The following MRGPRX3 variants were observed in gnomAD, a reference collection of about 807,000 sequenced individuals.
The protein encoded by MRGPRX3 is mas-related G protein-coupled receptor member X3.
Under a neutral mutation model 16.5 loss-of-function variants are expected in MRGPRX3, and 14 were observed. The ratio of observed to expected loss-of-function variants is 0.85; its 90% CI spans 0.56 to 1.33. The LOEUF is 1.33. Ranked by LOEUF, MRGPRX3 falls within the 40% of genes most tolerant of loss-of-function variation. The pLI is 0.00. For synonymous variants in MRGPRX3, 199 were observed against 180.1 expected, an observed-to-expected ratio of 1.10 and a Z score of -0.84; for missense variants, 449 against 413.0, an observed-to-expected ratio of 1.09 and a Z score of -0.76.
At chr11:18,121,590 G>T (rs549018084) in intron 1 of MRGPRX3, among the ~76,000 whole-genome samples, 6 of 152,242 alleles carry the variant, frequency 3.9e-5, no homozygotes, top group African/African-American at 1.4e-4. Context: ...TTGAGAAATC[G>T]GATGGTTGCC....
chr11:18,138,044 G>A lies in MRGPRX3; in HGVS notation c.842G>A (p.Arg281His), dbSNP rs780269301. The A allele has an allele frequency of 2.3e-5, 37 of 1,614,034 alleles. No individual in the cohort carries two copies. The South Asian group carries it at 3.0e-4, about 13-fold the overall frequency. Reference sequence around the variant, plus strand: ...TTCTTCGTGGGCTCCTTTAGGCAGCGTCAAAATAGGCAGAACCTGAAGCTG... The same window carrying A: ...TTCTTCGTGGGCTCCTTTAGGCAGCATCAAAATAGGCAGAACCTGAAGCTG... ...IYFFVGSFRQRQNRQNLKLVL... is the reference protein window; with the variant it reads ...IYFFVGSFRQHQNRQNLKLVL... Residue 281 changes from arginine (R) to histidine (H), a missense_variant, in exon 2 of 2, where the codon CGT (arginine) becomes CAT (histidine). Coordinates refer to ENST00000621697, the MANE Select transcript of MRGPRX3 (RefSeq NM_001370464.1).
chr11:18,131,256 A>C (rs1848958546), upstream of MRGPRX3, among the ~76,000 whole-genome samples: 1 of 152,212 alleles, frequency 6.6e-6, no homozygotes, highest in South Asian at 2.1e-4. Flanking sequence ...CAACCCACCG[A>C]GTGAGAGAAA....
chr11:18,137,085 T>G, intron 1 of MRGPRX3, 93 bp from the exon 2 acceptor site: 2 of 1,308,200 alleles, frequency 1.5e-6, no homozygotes, highest in Non-Finnish European at 2.1e-6. Flanking sequence ...TGATCTCTCC[T>G]CTTTAAATGA....
At chr11:18,131,657 AT>A (rs1248187355), upstream of MRGPRX3, among the ~76,000 whole-genome samples, 1 of 152,158 alleles carries the variant, frequency 6.6e-6, no homozygotes, top group South Asian at 2.1e-4. Context: ...TAGATCGACC[AT>A]TTGATCCAGC....
intron 1 of MRGPRX3, among the ~76,000 whole-genome samples, chr11:18,124,922 T>C (rs142846533): frequency 3.2e-3 from 480 of 152,360 alleles, no homozygotes; most frequent in Non-Finnish European, 4.9e-3. Flanking sequence ...CTTGAGAGTG[T>C]ATATGTGTCG....
upstream of MRGPRX3, among the ~76,000 whole-genome samples, chr11:18,131,087 G>T (rs1226884880): frequency 6.6e-6 from 1 of 152,126 alleles, no homozygotes; most frequent in East Asian, 1.9e-4. Context: ...AATTCTAGAA[G>T]ATAACATCAG....
chr11:18,128,368 C>A (rs1051598988), upstream of MRGPRX3, among the ~76,000 whole-genome samples: 1 of 152,332 alleles, frequency 6.6e-6, no homozygotes, highest in African/African-American at 2.4e-5. Flanking sequence ...TATGGCCTGC[C>A]CCCAGAGGTG....
At chr11:18,135,620 T>C (rs1024499478) in intron 1 of MRGPRX3, among the ~76,000 whole-genome samples, 3 of 152,190 alleles carry the variant, frequency 2.0e-5, no homozygotes, top group African/African-American at 7.2e-5. Context: ...CCTCTATTTT[T>C]CCCTTATTTC....
At position 18,125,167 on chromosome 11, in the gene MRGPRX3, G is replaced by T. The variant is rs1357917776; in HGVS notation, c.-152+4003G>T. ...CCTGGATTCATTGATTTTTTGAAGG[G>T]TTTTTTGTGTCTCTATCTCCTTCAG... On this transcript the variant is annotated intron_variant, in intron 1 of 2. Transcript: ENST00000396275. 5.9e-5 allele frequency among the ~76,000 whole-genome samples: 9 copies of T among 152,042 alleles called. No individual in the cohort carries two copies. The East Asian group carries it at 1.7e-3, about 29-fold the overall frequency.
upstream of MRGPRX3, among the ~76,000 whole-genome samples, chr11:18,130,119 C>G (rs1848946448): frequency 6.6e-6 from 1 of 152,092 alleles, no homozygotes; most frequent in Non-Finnish European, 1.5e-5. Flanking sequence ...AGAACTGGAA[C>G]AAGACAAGGA....
rs1849014973 is a variant in MRGPRX3, at chr11:18,137,201, G to A, written c.-2G>A. ...AGGGTCATCAGACTGGGGTTTCTGA[G>A]CATGGATTCAACCATCCCAGTCTTG... On this transcript the variant is annotated 5_prime_UTR_variant, in exon 2 of 2. Transcript: ENST00000621697. 6.3e-7 allele frequency: 1 copy of A among 1,579,466 alleles called. No individual in the cohort carries two copies. Among genetic ancestry groups the A allele is most frequent in the Non-Finnish European group, 8.6e-7 (1 of 1,160,084 alleles).
At chr11:18,124,879 C>T (rs1054630830) in intron 1 of MRGPRX3, among the ~76,000 whole-genome samples, 1 of 152,166 alleles carries the variant, frequency 6.6e-6, no homozygotes, top group African/African-American at 2.4e-5. Flanking sequence ...TGTTACTGGT[C>T]TATTCAGAGA....
intron 1 of MRGPRX3, among the ~76,000 whole-genome samples, chr11:18,134,475 T>C (rs760324546): frequency 8.5e-5 from 13 of 152,238 alleles, no homozygotes; most frequent in Non-Finnish European, 1.8e-4. Flanking sequence ...TAAATAACTT[T>C]AAATGATTTA....
chr11:18,131,177 A>G (rs1035687401), upstream of MRGPRX3, among the ~76,000 whole-genome samples: 1 of 152,198 alleles, frequency 6.6e-6, no homozygotes, highest in Non-Finnish European at 1.5e-5. Flanking sequence ...AACAAAAATA[A>G]ATAGATAGGA....
intron 1 of MRGPRX3, among the ~76,000 whole-genome samples, chr11:18,127,475 C>T (rs11486249): frequency 0.053 from 7,759 of 146,966 alleles, 656 homozygotes; most frequent in African/African-American, 0.18. Context: ...CCTTTCTTTT[C>T]ATTCTTTTTT....
At chr11:18,135,694 T>G (rs1849001842) in intron 1 of MRGPRX3, among the ~76,000 whole-genome samples, 1 of 152,190 alleles carries the variant, frequency 6.6e-6, no homozygotes, top group African/African-American at 2.4e-5. Flanking sequence ...CCCACAATTT[T>G]GACTGTCAAC....
upstream of MRGPRX3, among the ~76,000 whole-genome samples, chr11:18,132,355 A>G (rs555623875): frequency 1.4e-4 from 21 of 152,320 alleles, no homozygotes; most frequent in South Asian, 1.2e-3. Flanking sequence ...GATAGTTCAC[A>G]TTGCTTAATG....
chr11:18,131,105 C>T (rs1011849709), upstream of MRGPRX3, among the ~76,000 whole-genome samples: 1 of 152,086 alleles, frequency 6.6e-6, no homozygotes, highest in African/African-American at 2.4e-5. Flanking sequence ...CAGAAAAATG[C>T]TTCTAGACAT....
Position 18,137,547 on chromosome 11 carries a change from C to G in MRGPRX3, c.345C>G (p.Ala115=). Residue 115 remains alanine (A), a synonymous_variant, in exon 2 of 2, where the codon GCC becomes GCG. Transcript: ENST00000621697. ...PYFIGLSMLS[A]ISTERCLSIL... is the part of the protein sequence containing the mutation. The stretch of plus-strand genomic sequence containing the variant: ...TTATAGGCCTAAGCATGCTGAGCGC[C>G]ATCAGCACCGAGCGCTGCCTGTCCA... 2 of 1,614,146 alleles carry G rather than the reference C, an allele frequency of 1.2e-6. No homozygotes were observed. Among genetic ancestry groups the G allele is most frequent in the Non-Finnish European group, 1.7e-6 (2 of 1,180,040 alleles).
Sources: allele counts gnomAD v4.1 joint callset (sites outside exome capture counted in the v4.1 genomes callset), GRCh38; gene constraint gnomAD v4.1.1; transcripts MANE v1.5; gene names NCBI Gene and HGNC (gene_info 2026-07-23, HGNC 2026-07-21).